Variants in SLC2A14 observed in about 807,000 individuals in gnomAD.
The protein encoded by SLC2A14 is solute carrier family 2 member 14.
SLC2A14 carries 13 observed loss-of-function variants against 43.0 expected under a neutral mutation model. That is an observed-to-expected ratio of 0.30 (90% CI 0.20 to 0.48). The LOEUF is 0.48. Ranked by LOEUF, SLC2A14 falls within the 20% of genes least tolerant of loss-of-function variation. The pLI is 0.99. For synonymous variants in SLC2A14, 190 were observed against 233.8 expected, an observed-to-expected ratio of 0.81 and a Z score of 1.71; for missense variants, 428 against 620.4, an observed-to-expected ratio of 0.69 and a Z score of 3.29.
chr12:7,887,557 TCA>T (rs1945706685), intron 1 of SLC2A14, among the ~76,000 whole-genome samples: 1 of 131,850 alleles, frequency 7.6e-6, no homozygotes. Context: ...GGTAGATAAA[TCA>T]GATAGATAGA....
Position 7,879,778 on chromosome 12 carries a change from G to A in SLC2A14, c.132+11218C>T, listed in dbSNP as rs748495165. Among the ~76,000 whole-genome samples, 222 of 152,208 alleles carry A rather than the reference G, an allele frequency of 1.5e-3. 1 individual carries two copies. Among genetic ancestry groups the A allele is most frequent in the African/African-American group, 5.2e-3 (216 of 41,530 alleles). Reference sequence around the variant, plus strand: ...CCAACACTTTGGGAGGGCAAAGCAGGAGGAACACTTGAGCCCAAGAGTTCA... The same window carrying A: ...CCAACACTTTGGGAGGGCAAAGCAGAAGGAACACTTGAGCCCAAGAGTTCA... On this transcript the variant is annotated intron_variant, in intron 1 of 9. Coordinates refer to the SLC2A14 transcript ENST00000539924.
At chr12:7,833,996 G>C (rs755125491) in intron 2 of SLC2A14, among the ~76,000 whole-genome samples, 42 of 151,954 alleles carry the variant, frequency 2.8e-4, no homozygotes, top group Admixed American at 8.5e-4. Context: ...TTTCCTTTCA[G>C]GTCAGACAGG....
rs749525053 is a variant in SLC2A14, at chr12:7,819,216, T to TCAAA, written c.1071+262_1071+265dup. Among the ~76,000 whole-genome samples, 109 of 152,162 alleles carry TCAAA rather than the reference T, an allele frequency of 7.2e-4. No homozygotes were observed. In the East Asian group the frequency reaches 0.011, roughly 15 times the overall value. ...TGGGCAACAAGAGCAAAACTCCGTC[T>TCAAA]CAAACAAACAAACAAACAAACAAAA... On this transcript the variant is annotated intron_variant, in intron 9 of 10. Coordinates refer to ENST00000431042, the MANE Select transcript of SLC2A14 (RefSeq NM_001286234.2).
intron 2 of SLC2A14, chr12:7,860,793 C>CT (rs71281853): frequency 0.33 from 47,776 of 146,608 alleles, 7,872 homozygotes; most frequent in African/African-American, 0.44. Context: ...TACTTGTCAA[C>CT]TTTTTTTTTT....
chr12:7,817,867 G>T lies in SLC2A14; in HGVS notation c.1239C>A (p.Ser413=). ...MAVAGCSNWT[S]NFLVGLLFPS... Reference sequence around the variant, plus strand: ...GGAAGAGCAATCCGACTAGGAAGTTGGAGGTCCAGTTGGAGCAGCCGGCCA... The same window carrying T: ...GGAAGAGCAATCCGACTAGGAAGTTTGAGGTCCAGTTGGAGCAGCCGGCCA... Residue 413 remains serine, a synonymous_variant, in exon 10 of 11, where the codon TCC becomes TCA. Coordinates refer to ENST00000431042, the MANE Select transcript of SLC2A14 (RefSeq NM_001286234.2). 1 of 1,614,108 alleles carries T rather than the reference G, an allele frequency of 6.2e-7. No homozygotes were observed. The highest frequency in any genetic ancestry group is 8.5e-7 in the Non-Finnish European group (1 of 1,179,980).
At chr12:7,836,036 C>T (rs765883880) in intron 2 of SLC2A14, among the ~76,000 whole-genome samples, 2 of 152,254 alleles carry the variant, frequency 1.3e-5, no homozygotes, top group Admixed American at 6.5e-5. Flanking sequence ...CCCACTTTCA[C>T]GAAGGTCTTC....
chr12:7,859,860 T>G (rs11056192), intron 2 of SLC2A14, among the ~76,000 whole-genome samples: 41,498 of 151,818 alleles, frequency 0.27, 6,005 homozygotes, highest in Middle Eastern at 0.34. Context: ...AGTGAGATCC[T>G]CTAACTTGAA....
At chr12:7,862,284 A>T (rs1190995714) in intron 2 of SLC2A14, among the ~76,000 whole-genome samples, 5 of 151,240 alleles carry the variant, frequency 3.3e-5, no homozygotes, top group Non-Finnish European at 5.9e-5. Context: ...AAAAAAAAAA[A>T]AAAAGAAGAC....
At chr12:7,863,238 G>A (rs750721647) in intron 2 of SLC2A14, 24 of 348,938 alleles carry the variant, frequency 6.9e-5, no homozygotes, top group South Asian at 3.1e-4. Flanking sequence ...CGACACTCAC[G>A]GCGGAAGTCT....
At chr12:7,878,694 T>C (rs66867812) in intron 1 of SLC2A14, among the ~76,000 whole-genome samples, 17,170 of 151,856 alleles carry the variant, frequency 0.11, 999 homozygotes, top group East Asian at 0.13. Context: ...AATATGGAAA[T>C]TGAGCCAGGT....
At position 7,835,377 on chromosome 12, in the gene SLC2A14, T is replaced by C. The variant is rs566106405; in HGVS notation, c.19-2563A>G. 3.3e-5 allele frequency among the ~76,000 whole-genome samples: 5 copies of C among 152,290 alleles called. No individual in the cohort carries two copies. The South Asian group carries it at 1.0e-3, about 32-fold the overall frequency. On this transcript the variant is annotated intron_variant, in intron 2 of 10. Coordinates refer to ENST00000431042, the MANE Select transcript of SLC2A14 (RefSeq NM_001286234.2). ...ACTCCAGCCTGGGTGCCAGCGAGACTGTCTCAAACAAACAAACAAACAAAA... is the reference window on the plus strand; with the variant it reads ...ACTCCAGCCTGGGTGCCAGCGAGACCGTCTCAAACAAACAAACAAACAAAA...
chr12:7,846,157 C>T (rs1031330412), intron 2 of SLC2A14, among the ~76,000 whole-genome samples: 2 of 151,958 alleles, frequency 1.3e-5, no homozygotes, highest in South Asian at 2.1e-4. Context: ...CTCCTATCCC[C>T]CCAGACCTAC....
chr12:7,817,583 A>G (rs1174366658), intron 10 of SLC2A14, among the ~76,000 whole-genome samples: 1 of 152,086 alleles, frequency 6.6e-6, no homozygotes, highest in African/African-American at 2.4e-5. Flanking sequence ...CCTGGCCAAC[A>G]TGGGGAAACC....
intron 2 of SLC2A14, among the ~76,000 whole-genome samples, chr12:7,854,579 G>T (rs1459859606): frequency 6.6e-6 from 1 of 152,054 alleles, no homozygotes; most frequent in East Asian, 1.9e-4. Context: ...ACAATGGAGT[G>T]CGATCTCGGC....
At chr12:7,875,789 A>G (rs1945454015), upstream of SLC2A14, among the ~76,000 whole-genome samples, 1 of 152,108 alleles carries the variant, frequency 6.6e-6, no homozygotes, top group African/African-American at 2.4e-5. Flanking sequence ...CCTGGCCAAC[A>G]TGGTGAAAGA....
intron 7 of SLC2A14, among the ~76,000 whole-genome samples, chr12:7,823,823 A>C (rs2120709218): frequency 6.6e-6 from 1 of 152,326 alleles, no homozygotes; most frequent in South Asian, 2.1e-4. Context: ...TTTCACCCAG[A>C]GTAGTTGCCT....
At chr12:7,883,542 A>G (rs1242997268) in intron 1 of SLC2A14, among the ~76,000 whole-genome samples, 4 of 148,684 alleles carry the variant, frequency 2.7e-5, no homozygotes, top group Admixed American at 2.7e-4. Flanking sequence ...CTGAGATTAC[A>G]GGCATGAGCC....
chr12:7,880,863 G>C (rs1031639148), intron 1 of SLC2A14, among the ~76,000 whole-genome samples: 4 of 152,026 alleles, frequency 2.6e-5, no homozygotes, highest in African/African-American at 9.7e-5. Context: ...AAATTGGCCA[G>C]GCGCGGTGGC....
At chr12:7,861,866 G>A (rs1393982950) in intron 2 of SLC2A14, among the ~76,000 whole-genome samples, 1 of 151,610 alleles carries the variant, frequency 6.6e-6, no homozygotes, top group East Asian at 1.9e-4. Flanking sequence ...GGAGGCTGAC[G>A]CAGGAGAAAT....
Sources: gnomAD v4.1 joint callset for allele counts (sites outside exome capture counted in the v4.1 genomes callset) on GRCh38, gnomAD v4.1.1 for gene constraint, MANE v1.5 for transcripts, NCBI Gene and HGNC (gene_info 2026-07-23, HGNC 2026-07-21) for gene names.